SLC12A5: variants seen among roughly 807,000 people sequenced by gnomAD.
SLC12A5 encodes the protein solute carrier family 12 member 5.
Under a neutral mutation model 124.0 loss-of-function variants are expected in SLC12A5, and 18 were observed. The observed-to-expected ratio is 0.15, with a 90% CI of 0.10 to 0.22. The LOEUF (loss-of-function observed/expected upper bound fraction) is 0.22. Ranked by LOEUF, SLC12A5 falls within the 10% of genes least tolerant of loss-of-function variation. The pLI, the probability that SLC12A5 is intolerant of heterozygous loss-of-function variation, is 1.00. For missense variants in SLC12A5, 867 were observed against 1,478.7 expected, an observed-to-expected ratio of 0.59 and a Z score of 6.78; for synonymous variants, 589 against 568.0, an observed-to-expected ratio of 1.04 and a Z score of -0.53.
rs11405083 is a variant in SLC12A5, at chr20:46,045,552, TA to T, written c.1570-316del. ...AAAAGGGTAGCTTTTACCATGGTGC[TA>T]AAAAAAAAAGACGGATGGAGCACAG... On this transcript the variant is annotated intron_variant, in intron 12 of 25. Transcript: ENST00000243964. The surrounding 1 kb of genome is among the most constrained non-coding windows in gnomAD (Gnocchi z 4.9). 0.067 allele frequency among the ~76,000 whole-genome samples: 9,978 copies of T among 147,988 alleles called. 1,097 individuals carry two copies. Among genetic ancestry groups the T allele is most frequent in the African/African-American group, 0.23 (9,427 of 40,714 alleles).
intron 1 of SLC12A5, among the ~76,000 whole-genome samples, chr20:46,033,769 T>TC (rs1333063577): frequency 1.3e-5 from 2 of 152,054 alleles, no homozygotes; most frequent in Non-Finnish European, 2.9e-5. Context: ...GTTCTTCCTC[T>TC]CCCCCTCCCC....
chr20:46,057,002 C>A lies in SLC12A5; in HGVS notation c.3125+91C>A. On this transcript the variant is annotated intron_variant, in intron 24 of 25. Transcript: ENST00000243964. This position sits in a 1 kb window ranked among gnomAD's most constrained non-coding sequence, Gnocchi z 7.1. ...TGTTGTGAACCCCTAATTGGTGCCA[C>A]GACCTCTGGGATCTCTGAATAGCCT... 6.3e-7 allele frequency: 1 copy of A among 1,597,992 alleles called. No individual in the cohort carries two copies. The highest frequency in any genetic ancestry group is 8.6e-7 in the Non-Finnish European group (1 of 1,165,974).
chr20:46,053,173 T>C lies in SLC12A5; in HGVS notation c.2547+47T>C. On this transcript the variant is annotated intron_variant, in intron 19 of 25. Coordinates refer to ENST00000243964, the MANE Select transcript of SLC12A5 (RefSeq NM_020708.5). This position sits in a 1 kb window ranked among gnomAD's most constrained non-coding sequence, Gnocchi z 4.7. ...ATGCACGTGTGAGTGTGTGTATGCA[T>C]GTATGCATTTGTGTGCATATGTGCA... The C allele has an allele frequency of 6.4e-7, 1 of 1,567,166 alleles. No individual in the cohort carries two copies.
intron 1 of SLC12A5, among the ~76,000 whole-genome samples, chr20:46,030,465 G>T (rs2084439150): frequency 6.6e-6 from 1 of 150,480 alleles, no homozygotes; most frequent in Non-Finnish European, 1.5e-5. Flanking sequence ...AGGCTCCCAG[G>T]CCCCCCGCCG....
At chr20:46,043,567 T>A in intron 9 of SLC12A5, 66 bp from the exon 10 acceptor site, 1 of 1,539,946 alleles carries the variant, frequency 6.5e-7, no homozygotes, top group Non-Finnish European at 9.0e-7. Flanking sequence ...GGTGGTGCCC[T>A]TTTTTCTCAT....
intron 16 of SLC12A5, among the ~76,000 whole-genome samples, chr20:46,048,301 C>A (rs1272643245): frequency 6.6e-6 from 1 of 152,180 alleles, no homozygotes; most frequent in Admixed American, 6.5e-5. Context: ...TGTCCACATA[C>A]CCCACCATGC....
At position 46,054,861 on chromosome 20, in the gene SLC12A5, C is replaced by G. The variant is rs992844327; in HGVS notation, c.2680-55C>G. ...CTTTCACCTGGGCTCAGACCTCATG[C>G]TTTCCTCCGTGTTCCTCTCCCCACC... On this transcript the variant is annotated intron_variant, in intron 20 of 25. Transcript: ENST00000243964. 12 of 1,340,200 alleles carry G rather than the reference C, an allele frequency of 9.0e-6. No individual in the cohort carries two copies. The African/African-American group carries it at 1.7e-4, about 19-fold the overall frequency. The allele number at this position is 1,340,200 out of a possible 1,614,324, so 83.0% of individuals were successfully genotyped here.
chr20:46,033,637 C>T (rs1227919669), intron 1 of SLC12A5, among the ~76,000 whole-genome samples: 5 of 152,174 alleles, frequency 3.3e-5, no homozygotes, highest in Non-Finnish European at 7.3e-5. Flanking sequence ...CAGTGCCTCA[C>T]CCTCAGCTAA....
At chr20:46,038,675 G>A (rs1267686779) in intron 6 of SLC12A5, among the ~76,000 whole-genome samples, 1 of 152,188 alleles carries the variant, frequency 6.6e-6, no homozygotes, top group Non-Finnish European at 1.5e-5. Context: ...TTAACATATG[G>A]TAGGTCCAGA....
chr20:46,035,087 C>T, intron 2 of SLC12A5, 45 bp downstream of exon 2: 1 of 1,584,866 alleles, frequency 6.3e-7, no homozygotes, highest in East Asian at 2.2e-5. Flanking sequence ...ATTCATTATC[C>T]TGATTCATCA....
At chr20:46,051,627 G>T in intron 17 of SLC12A5, 48 bp from the exon 18 acceptor site, 1 of 1,557,544 alleles carries the variant, frequency 6.4e-7, no homozygotes, top group South Asian at 1.2e-5. Context: ...GGCCCAGCCA[G>T]GGCCAGGGAG....
upstream of SLC12A5, chr20:46,029,119 TACGG>T: frequency 7.4e-7 from 1 of 1,348,098 alleles, no homozygotes; most frequent in Non-Finnish European, 9.5e-7. Context: ...GCCTCCTGCA[TACGG>T]GATGAGGTGA....
At chr20:46,035,309 G>A (rs112461953) in intron 2 of SLC12A5, 95 bp from the exon 3 acceptor site, 34,179 of 1,467,588 alleles carry the variant, frequency 0.023, 475 homozygotes, top group Non-Finnish European at 0.027. Flanking sequence ...GAATAGTTTC[G>A]TGCTCCTTGT....
At chr20:46,048,174 T>G in intron 16 of SLC12A5, 89 bp downstream of exon 16, 2 of 1,197,442 alleles carry the variant, frequency 1.7e-6, no homozygotes, top group South Asian at 3.1e-5. Flanking sequence ...GGGCCTGACT[T>G]ATCCTGCTTG....
chr20:46,052,843 C>T (rs1600604371), intron 18 of SLC12A5, 114 bp from the exon 19 acceptor site: 3 of 1,182,874 alleles, frequency 2.5e-6, no homozygotes, highest in East Asian at 5.2e-5. Context: ...ATGGCCAAGG[C>T]CAGTTGGAGT....
intron 6 of SLC12A5, among the ~76,000 whole-genome samples, chr20:46,039,274 G>C (rs551855901): frequency 1.3e-5 from 2 of 151,920 alleles, no homozygotes; most frequent in East Asian, 3.9e-4. Context: ...ATAAAGAATA[G>C]ATTATCCACA....
Position 46,043,963 on chromosome 20 carries a change from G to C in SLC12A5, c.1394+30G>C, listed in dbSNP as rs753841414. ...GATAATTGGGGTTGATCCTATTCTG[G>C]GGGAGGGGTGGGTATAGAAGGCTGA... is the stretch of plus-strand genomic sequence containing the variant. On this transcript the variant is annotated intron_variant, in intron 11 of 25. Transcript: ENST00000243964. 26 of 1,564,112 alleles carry C rather than the reference G, an allele frequency of 1.7e-5. No homozygotes were observed. In the Admixed American group the frequency reaches 4.4e-4, roughly 27 times the overall value.
rs1221403463 is a variant in SLC12A5, at chr20:46,056,500, GAGA to G, written c.3051_3053del (p.Lys1017del). 2 of 1,614,190 alleles carry G rather than the reference GAGA, an allele frequency of 1.2e-6. No individual in the cohort carries two copies. The highest frequency in any genetic ancestry group is 2.2e-5 in the East Asian group (1 of 44,878). On this transcript the variant is annotated inframe_deletion, in exon 23 of 26. Coordinates refer to ENST00000243964, the MANE Select transcript of SLC12A5 (RefSeq NM_020708.5). This position sits in a 1 kb window ranked among gnomAD's most constrained non-coding sequence, Gnocchi z 4.3. ...CTGGACCAAGGACAAGTCGGTGGCA[GAGA>G]AGAATAAGGGCCCCAGTCCTGTCTC...
At position 46,029,394 on chromosome 20, in the gene SLC12A5, C is replaced by G. The variant is rs2084424877; in HGVS notation, c.50C>G (p.Pro17Arg). ...GAGGACGGCGATGGGGGAGCCAACC[C>G]GGGTAAGCTGTGGTCCGGGGGCGGC... ...DCEDGDGGANPGDGNPKESSP... is the reference protein window; with the variant it reads ...DCEDGDGGANRGDGNPKESSP... Residue 17 changes from proline (P) to arginine (R), a missense_variant and splice_region_variant, in exon 1 of 26, where the codon CCG becomes CGG. Pro to Arg is a moderately radical substitution (Grantham distance 103). Around this residue, in one of 9 missense-constraint regions of SLC12A5, gnomAD observed 58 missense variants for 52.2 expected, o/e 1.11. Coordinates refer to ENST00000243964, the MANE Select transcript of SLC12A5 (RefSeq NM_020708.5). 1.9e-6 allele frequency: 3 copies of G among 1,542,462 alleles called. No homozygotes were observed. Among genetic ancestry groups the G allele is most frequent in the Non-Finnish European group, 2.6e-6 (3 of 1,143,016 alleles).
Sources: allele counts gnomAD v4.1 joint callset (sites outside exome capture counted in the v4.1 genomes callset), GRCh38; gene constraint gnomAD v4.1.1; regional missense constraint gnomAD v4.1.1; non-coding constraint Gnocchi (gnomAD v3.1); transcripts MANE v1.5; gene names NCBI Gene and HGNC (gene_info 2026-07-23, HGNC 2026-07-21).